Variants in PILRA observed in about 807,000 individuals in gnomAD.
PILRA encodes paired immunoglobulin-like type 2 receptor alpha.
In PILRA, 37 loss-of-function variants were observed where a neutral mutation model predicts 33.1. The observed-to-expected ratio is 1.12, with a 90% confidence interval of 0.86 to 1.47. The LOEUF (loss-of-function observed/expected upper bound fraction) is 1.47. Among genes scored for constraint, PILRA ranks in the 40% most tolerant of loss-of-function variants. The pLI, the probability that PILRA is intolerant of heterozygous loss-of-function variation, is 0.00. For missense variants in PILRA, 312 were observed against 376.2 expected (o/e 0.83, Z 1.41); for synonymous variants, 146 against 149.9 (o/e 0.97, Z 0.19).
chr7:100,389,752 C>G (rs771785967), intron 2 of PILRA, 136 bp from the exon 3 acceptor site: 29 of 694,724 alleles, frequency 4.2e-5, no homozygotes, highest in Admixed American at 2.0e-4. Context: ...CCCTGTTCCC[C>G]GCTCCCTGTG....
chr7:100,388,561 C>T (rs1157265421), intron 2 of PILRA, among the ~76,000 whole-genome samples: 3 of 150,806 alleles, frequency 2.0e-5, no homozygotes, highest in African/African-American at 4.9e-5. Context: ...GGTGAAACCC[C>T]GTTTCTACTA....
At chr7:100,393,093 A>C (rs1022051671) in intron 3 of PILRA, among the ~76,000 whole-genome samples, 1 of 152,152 alleles carries the variant, frequency 6.6e-6, no homozygotes, top group Non-Finnish European at 1.5e-5. Flanking sequence ...CAGCCTGGTC[A>C]ACATGGTGAA....
chr7:100,374,313 A>T lies in PILRA; in HGVS notation c.334A>T (p.Ile112Phe), dbSNP rs779858617. Residue 112 changes from isoleucine (I) to phenylalanine (F), a missense_variant, in exon 2 of 7, where the codon ATC becomes TTC. Coordinates refer to ENST00000198536, the MANE Select transcript of PILRA (RefSeq NM_013439.3). ...TEGQKSGFLRISNLQKQDQSV... is the reference protein window; with the variant it reads ...TEGQKSGFLRFSNLQKQDQSV... Reference sequence around the variant, plus strand: ...GGGTCAGAAGAGCGGCTTCCTCAGGATCTCCAACCTGCAGAAGCAGGACCA... The same window carrying T: ...GGGTCAGAAGAGCGGCTTCCTCAGGTTCTCCAACCTGCAGAAGCAGGACCA... 3.4e-5 allele frequency: 55 copies of T among 1,613,906 alleles called. No individual in the cohort carries two copies. In the South Asian group the frequency reaches 4.3e-4, roughly 13 times the overall value.
Position 100,400,080 on chromosome 7 carries a change from A to G in PILRA, c.*173A>G. 2.0e-6 allele frequency: 1 copy of G among 506,632 alleles called. No homozygotes were observed. The highest frequency in any genetic ancestry group is 5.8e-5 in the South Asian group (1 of 17,264). The allele number at this position is 506,632 out of a possible 1,614,324, so 31.4% of individuals were successfully genotyped here. A position where few individuals can be genotyped will look rare whatever the true frequency, so the allele number is the denominator to read the frequency against. On this transcript the variant is annotated 3_prime_UTR_variant, in exon 7 of 7. Transcript: ENST00000198536. ...AGTTAAAAATATATATTAACAATAA[A>G]GTAACAAATTTAAAAAGATTGTCTT...
intron 3 of PILRA, among the ~76,000 whole-genome samples, chr7:100,391,234 TG>T (rs1791385391): frequency 4.1e-5 from 6 of 147,160 alleles, no homozygotes; most frequent in Non-Finnish European, 9.0e-5. Context: ...CCTGTGCCTG[TG>T]GTACCAGCTA....
At chr7:100,373,391 C>G (rs915939955), upstream of PILRA, 1 of 575,748 alleles carries the variant, frequency 1.7e-6, no homozygotes, top group African/African-American at 1.9e-5. Context: ...GGACGGGGAC[C>G]GCGGCCTTTG....
At chr7:100,382,060 G>A (rs1791116855) in intron 2 of PILRA, among the ~76,000 whole-genome samples, 1 of 143,036 alleles carries the variant, frequency 7.0e-6, no homozygotes, top group South Asian at 2.2e-4. Context: ...CACGAGGAGC[G>A]CCGCCCCCTG....
upstream of PILRA, among the ~76,000 whole-genome samples, chr7:100,372,066 C>G (rs1355334563): frequency 6.6e-6 from 1 of 152,198 alleles, no homozygotes; most frequent in Non-Finnish European, 1.5e-5. Flanking sequence ...GCGGGCCACC[C>G]TCTCGAGGCC....
chr7:100,373,393 C>A (rs1264801449), upstream of PILRA: 15 of 576,088 alleles, frequency 2.6e-5, no homozygotes, highest in South Asian at 3.0e-4. Context: ...ACGGGGACCG[C>A]GGCCTTTGGG....
chr7:100,373,394 G>A (rs1790861829), upstream of PILRA: 5 of 573,740 alleles, frequency 8.7e-6, no homozygotes, highest in South Asian at 4.3e-5. Flanking sequence ...CGGGGACCGC[G>A]GCCTTTGGGC....
chr7:100,380,412 G>A (rs974431668), intron 2 of PILRA, among the ~76,000 whole-genome samples: 2 of 152,180 alleles, frequency 1.3e-5, no homozygotes, highest in South Asian at 2.1e-4. Flanking sequence ...AAGAGACCTC[G>A]TGCATGTGAT....
At chr7:100,384,649 A>G (rs1008775513) in intron 2 of PILRA, among the ~76,000 whole-genome samples, 1 of 152,042 alleles carries the variant, frequency 6.6e-6, no homozygotes, top group Non-Finnish European at 1.5e-5. Flanking sequence ...TTATCTGGGC[A>G]TGGTGGTGTG....
intron 5 of PILRA, 61 bp from the exon 6 acceptor site, chr7:100,399,520 C>A: frequency 6.3e-7 from 1 of 1,589,698 alleles, no homozygotes; most frequent in Non-Finnish European, 8.6e-7. Context: ...GCCCCCTGCC[C>A]ATCTCTCTCC....
chr7:100,376,761 C>CTTTTT (rs34944697), intron 2 of PILRA, among the ~76,000 whole-genome samples: 27 of 75,040 alleles, frequency 3.6e-4, no homozygotes, highest in Admixed American at 4.8e-4. Context: ...CTTGCTCTGC[C>CTTTTT]TTTTTTTTTT....
Position 100,374,553 on chromosome 7 carries a change from T to C in PILRA, c.454+120T>C, listed in dbSNP as rs926043903. On this transcript the variant is annotated intron_variant, in intron 2 of 6. Coordinates refer to ENST00000198536, the MANE Select transcript of PILRA (RefSeq NM_013439.3). Reference sequence around the variant, plus strand: ...TTCTGACGACCCCTAAGTTCTCTCTTTGGCCCCTAACACTTCCTCAGGCCT... The same window carrying C: ...TTCTGACGACCCCTAAGTTCTCTCTCTGGCCCCTAACACTTCCTCAGGCCT... 15 of 1,206,070 alleles carry C rather than the reference T, an allele frequency of 1.2e-5. No homozygotes were observed. The African/African-American group carries it at 2.2e-4, about 18-fold the overall frequency. 74.7% of individuals were successfully genotyped at this position (1,206,070 alleles called of 1,614,324 possible).
intron 2 of PILRA, among the ~76,000 whole-genome samples, chr7:100,375,850 G>T (rs1015244674): frequency 6.6e-6 from 1 of 152,214 alleles, no homozygotes. Context: ...TGTTCGCCTT[G>T]ACCTACTTTT....
rs138933650 is a variant in PILRA, at chr7:100,374,112, A to G, written c.133A>G (p.Met45Val). 3.0e-3 allele frequency: 4,900 copies of G among 1,614,050 alleles called. 17 individuals are homozygous for G. Among genetic ancestry groups the G allele is most frequent in the Non-Finnish European group, 3.7e-3 (4,332 of 1,179,974 alleles). ...TCAACCAAAACACCTCTCAGCCTCC[A>G]TGGGTGGCTCTGTGGAAATCCCCTT... is the stretch of plus-strand genomic sequence containing the variant. ...VTQPKHLSAS[M>V]GGSVEIPFSF... The change falls in exon 2 of 7, where the codon ATG (methionine) becomes GTG (valine). Residue 45 changes from methionine (M) to valine (V), a missense_variant. Coordinates refer to ENST00000198536, the MANE Select transcript of PILRA (RefSeq NM_013439.3).
chr7:100,388,066 T>C (rs1470066640), intron 2 of PILRA, among the ~76,000 whole-genome samples: 1 of 152,246 alleles, frequency 6.6e-6, no homozygotes, highest in Non-Finnish European at 1.5e-5. Flanking sequence ...GTTGCTTTAG[T>C]CATACTCCAG....
At chr7:100,391,810 G>T (rs1406357590) in intron 3 of PILRA, among the ~76,000 whole-genome samples, 3 of 152,198 alleles carry the variant, frequency 2.0e-5, no homozygotes, top group Non-Finnish European at 4.4e-5. Context: ...GGGAAGAGAG[G>T]AGATCATGCT....
Sources: gnomAD v4.1 joint callset for allele counts (sites outside exome capture counted in the v4.1 genomes callset) on GRCh38, gnomAD v4.1.1 for gene constraint, MANE v1.5 for transcripts, NCBI Gene and HGNC (gene_info 2026-07-23, HGNC 2026-07-21) for gene names.